Variants in KDM7A observed in about 807,000 individuals in gnomAD.
KDM7A encodes the protein lysine-specific demethylase 7A.
KDM7A carries 28 observed loss-of-function variants against 114.8 expected under a neutral mutation model. The observed-to-expected ratio is 0.24, with a 90% CI of 0.18 to 0.33. The LOEUF is 0.33. Among genes scored for constraint, KDM7A ranks in the 10% least tolerant of loss-of-function variants. The probability of loss-of-function intolerance (pLI) is 1.00; values close to 1 mark genes in which losing one functional copy is unlikely to be tolerated. For missense variants in KDM7A, 942 were observed against 1,142.5 expected (o/e 0.82, Z 2.53); for synonymous variants, 423 against 397.8 (o/e 1.06, Z -0.75).
In KDM7A at chr7:140,176,365, G is replaced by GGGC. The variant is rs1794707912; in HGVS notation, c.194+376_194+378dup. ...GCCCCGGGCGCGGCGGGGCGGGGCG[G>GGGC]GGCGGCGGCGGCCCGGGCTGGCGAG... On this transcript the variant is annotated intron_variant, in intron 1 of 19. Transcript: ENST00000397560. This position sits in a 1 kb window ranked among gnomAD's most constrained non-coding sequence, Gnocchi z 4.4. 6.9e-6 allele frequency among the ~76,000 whole-genome samples: 1 copy of GGGC among 144,720 alleles called. No individual in the cohort carries two copies. The highest frequency in any genetic ancestry group is 1.5e-5 in the Non-Finnish European group (1 of 65,186). The allele number at this position is 144,720 out of a possible 152,430, so 94.9% of individuals were successfully genotyped here. A position where few individuals can be genotyped will look rare whatever the true frequency, so the allele number is the denominator to read the frequency against.
intron 11 of KDM7A, among the ~76,000 whole-genome samples, chr7:140,106,480 T>C (rs191629925): frequency 0.01 from 1,550 of 152,360 alleles, 12 homozygotes; most frequent in Admixed American, 0.015. Context: ...GATTCTGGTA[T>C]GCTGTGTCTT....
intron 6 of KDM7A, among the ~76,000 whole-genome samples, chr7:140,126,221 A>AT (rs918651341): frequency 6.6e-6 from 1 of 152,184 alleles, no homozygotes; most frequent in Non-Finnish European, 1.5e-5. Context: ...AAGAACTGGT[A>AT]TTTTTATAGG....
At chr7:140,135,862 T>C (rs1818861864) in intron 2 of KDM7A, among the ~76,000 whole-genome samples, 1 of 151,342 alleles carries the variant, frequency 6.6e-6, no homozygotes, top group African/African-American at 2.4e-5. Context: ...ATAAGAAGCG[T>C]ATTTCATACC....
chr7:140,163,211 A>T (rs566115952), intron 1 of KDM7A, among the ~76,000 whole-genome samples: 1 of 151,978 alleles, frequency 6.6e-6, no homozygotes, highest in South Asian at 2.1e-4. Flanking sequence ...AGCCAGAATG[A>T]TCTCAATCTC....
intron 12 of KDM7A, among the ~76,000 whole-genome samples, chr7:140,100,681 CATATATACATATAT>C (rs1818191803): frequency 2.3e-5 from 1 of 44,364 alleles, no homozygotes; most frequent in Non-Finnish European, 4.4e-5. Flanking sequence ...TATATATATA[CATATATACATATAT>C]ATATATATAT....
At chr7:140,131,633 C>G (rs996014702) in intron 3 of KDM7A, among the ~76,000 whole-genome samples, 66 of 152,168 alleles carry the variant, frequency 4.3e-4, no homozygotes, top group African/African-American at 1.6e-3. Flanking sequence ...TTAGTTTCCC[C>G]AATAAGCATC....
At chr7:140,105,536 T>C (rs889961988) in intron 11 of KDM7A, among the ~76,000 whole-genome samples, 3 of 152,220 alleles carry the variant, frequency 2.0e-5, no homozygotes, top group South Asian at 4.1e-4. Context: ...TCTGCATCTA[T>C]TGAGATAATC....
intron 1 of KDM7A, among the ~76,000 whole-genome samples, chr7:140,163,508 C>T (rs1794542441): frequency 6.6e-6 from 1 of 151,430 alleles, no homozygotes; most frequent in Non-Finnish European, 1.5e-5. Context: ...TCTCAAACTC[C>T]TGTCCTCAGG....
rs949706411 is a variant in KDM7A, at chr7:140,176,607, G to C, written c.194+137C>G. 2 of 536,186 alleles carry C rather than the reference G, an allele frequency of 3.7e-6. No individual in the cohort carries two copies. Among genetic ancestry groups the C allele is most frequent in the South Asian group, 1.5e-4 (2 of 13,436 alleles). 33.2% of individuals were successfully genotyped at this position (536,186 alleles called of 1,614,324 possible). ...CCGCGCGCCCCACTGCCCGGCCGGG[G>C]GGCTAGGCACCGGGGCCCCCTGAAA... On this transcript the variant is annotated intron_variant, in intron 1 of 19. Transcript: ENST00000397560. The surrounding 1 kb of genome is among the most constrained non-coding windows in gnomAD (Gnocchi z 4.4).
At chr7:140,103,588 T>C (rs943721100) in intron 11 of KDM7A, among the ~76,000 whole-genome samples, 2 of 152,182 alleles carry the variant, frequency 1.3e-5, no homozygotes, top group African/African-American at 2.4e-5. Context: ...TGTGATAGTT[T>C]GCTGAGAATG....
chr7:140,132,424 C>T (rs914461548), intron 3 of KDM7A, among the ~76,000 whole-genome samples: 5 of 152,110 alleles, frequency 3.3e-5, no homozygotes, highest in Admixed American at 3.3e-4. Context: ...TAGCTCCTCT[C>T]CCTGAGAAAT....
chr7:140,100,741 T>TATATATATATATATATATACAC (rs1562946178), intron 12 of KDM7A, among the ~76,000 whole-genome samples: 1 of 45,586 alleles, frequency 2.2e-5, no homozygotes, highest in South Asian at 7.8e-4. Flanking sequence ...TATATATATA[T>TATATATATATATATATATACAC]ACATATATAT....
intron 1 of KDM7A, among the ~76,000 whole-genome samples, chr7:140,175,731 C>CGCG (rs1473506671): frequency 6.6e-6 from 1 of 152,090 alleles, no homozygotes; most frequent in Non-Finnish European, 1.5e-5. Flanking sequence ...AAACCCGGAG[C>CGCG]GCGGCGGCGG....
At chr7:140,157,632 C>T (rs993403893) in intron 1 of KDM7A, among the ~76,000 whole-genome samples, 3 of 151,912 alleles carry the variant, frequency 2.0e-5, no homozygotes, top group Admixed American at 1.3e-4. Context: ...CCAGCCTGGT[C>T]GACAGATTAA....
rs1348619343 is a variant in KDM7A, at chr7:140,086,297, TAAGAC to T, written c.*4792_*4796del. 6.6e-6 allele frequency: 1 copy of T among 152,192 alleles called. No individual in the cohort carries two copies. Among genetic ancestry groups the T allele is most frequent in the African/African-American group, 2.4e-5 (1 of 41,440 alleles). The allele number at this position is 152,192 out of a possible 1,614,324, so 9.4% of individuals were successfully genotyped here. ...CAACAAAATGTAATGTTATACTTGT[TAAGAC>T]AAAGTCTTAAGACACTAGAAGGGGC... On this transcript the variant is annotated 3_prime_UTR_variant, in exon 20 of 20. Coordinates refer to ENST00000397560, the MANE Select transcript of KDM7A (RefSeq NM_030647.2).
intron 1 of KDM7A, among the ~76,000 whole-genome samples, chr7:140,174,647 C>T (rs1794681721): frequency 6.6e-6 from 1 of 152,162 alleles, no homozygotes; most frequent in East Asian, 1.9e-4. Flanking sequence ...TGTCGCCAGG[C>T]TGGAGTGCAG....
rs1002028850 is a variant in KDM7A at position 140,136,586 on chromosome 7, G to A, written c.280+2519C>T. On this transcript the variant is annotated intron_variant, in intron 2 of 19. Coordinates refer to ENST00000397560, the MANE Select transcript of KDM7A (RefSeq NM_030647.2). ...TTTTTGATACCTGCCCTCAAATAGA[G>A]TTCTTAATTCCCAGTAAGAGGGTAA... Among the ~76,000 whole-genome samples, 37 of 152,176 alleles carry A rather than the reference G, an allele frequency of 2.4e-4. 1 individual carries two copies. The highest frequency in any genetic ancestry group is 8.8e-5 in the Non-Finnish European group (6 of 68,026).
chr7:140,099,417 A>G (rs2116746415), intron 13 of KDM7A, among the ~76,000 whole-genome samples: 1 of 152,168 alleles, frequency 6.6e-6, no homozygotes, highest in South Asian at 2.1e-4. Context: ...AGCTAGTTTT[A>G]AACTCCTGGT....
At chr7:140,139,716 A>G (rs934032134) in intron 1 of KDM7A, among the ~76,000 whole-genome samples, 4 of 152,240 alleles carry the variant, frequency 2.6e-5, no homozygotes, top group African/African-American at 4.8e-5. Flanking sequence ...AAAAATAAAC[A>G]GCAGAAATCA....
Sources: allele counts gnomAD v4.1 joint callset (sites outside exome capture counted in the v4.1 genomes callset), GRCh38; gene constraint gnomAD v4.1.1; non-coding constraint Gnocchi (gnomAD v3.1); transcripts MANE v1.5; gene names NCBI Gene and HGNC (gene_info 2026-07-23, HGNC 2026-07-21).